The following CCDC172 variants were observed in gnomAD, a reference collection of about 807,000 sequenced individuals.
The protein encoded by CCDC172 is coiled-coil domain-containing protein 172.
CCDC172 carries 30 observed loss-of-function variants against 38.0 expected under a neutral mutation model. The ratio of observed to expected loss-of-function variants is 0.79; its 90% CI spans 0.59 to 1.07. CCDC172 has a LOEUF of 1.07. CCDC172 is among the 50% of genes least tolerant of loss of function. CCDC172 has a pLI of 0.00. For missense variants in CCDC172, 297 were observed against 290.1 expected, an observed-to-expected ratio of 1.02 and a Z score of -0.17; for synonymous variants, 78 against 88.3, an observed-to-expected ratio of 0.88 and a Z score of 0.66.
At chr10:116,325,217 G>A (rs1292140403) in intron 2 of CCDC172, 86 bp from the exon 3 acceptor site, 1 of 1,473,316 alleles carries the variant, frequency 6.8e-7, no homozygotes, top group African/African-American at 1.4e-5. Flanking sequence ...CTGAGGGAAA[G>A]ACAACTGAAA....
chr10:116,374,363 T>G (rs1010407626), intron 7 of CCDC172, among the ~76,000 whole-genome samples: 21 of 152,156 alleles, frequency 1.4e-4, no homozygotes, highest in Non-Finnish European at 2.9e-5. Context: ...CAATAAGATA[T>G]CTTGAGAGAG....
At chr10:116,348,321 G>A (rs1413816975) in intron 5 of CCDC172, among the ~76,000 whole-genome samples, 3 of 151,466 alleles carry the variant, frequency 2.0e-5, no homozygotes, top group East Asian at 1.9e-4. Flanking sequence ...CTTCTAATTC[G>A]TGCCACCACA....
At chr10:116,341,852 C>T (rs1183428355) in intron 4 of CCDC172, among the ~76,000 whole-genome samples, 184 bp from the exon 5 acceptor site, 2 of 151,674 alleles carry the variant, frequency 1.3e-5, no homozygotes, top group Admixed American at 1.3e-4. Flanking sequence ...ATAGTTGTTA[C>T]TATATAATAG....
intron 6 of CCDC172, among the ~76,000 whole-genome samples, 168 bp from the exon 7 acceptor site, chr10:116,357,668 G>A (rs1845015853): frequency 6.6e-6 from 1 of 152,020 alleles, no homozygotes. Flanking sequence ...ATTTTTTGAA[G>A]ATCTTTTTTG....
intron 7 of CCDC172, among the ~76,000 whole-genome samples, chr10:116,369,479 C>G (rs1845161174): frequency 6.6e-6 from 1 of 151,886 alleles, no homozygotes; most frequent in South Asian, 2.1e-4. Context: ...TGTATATAGT[C>G]TTTTGTATCT....
At chr10:116,361,866 A>G (rs367747753) in intron 7 of CCDC172, among the ~76,000 whole-genome samples, 39 of 152,300 alleles carry the variant, frequency 2.6e-4, no homozygotes, top group African/African-American at 6.7e-4. Context: ...ATAAATATGT[A>G]TATTTTCACA....
intron 3 of CCDC172, among the ~76,000 whole-genome samples, chr10:116,335,545 A>G (rs1295621036): frequency 6.6e-6 from 1 of 152,038 alleles, no homozygotes; most frequent in Non-Finnish European, 1.5e-5. Flanking sequence ...TGGGGTTTTC[A>G]TAAGATTGCA....
chr10:116,353,221 A>G (rs1455754016), intron 5 of CCDC172, among the ~76,000 whole-genome samples: 2 of 152,000 alleles, frequency 1.3e-5, no homozygotes, highest in East Asian at 3.9e-4. Flanking sequence ...GTGTACATCC[A>G]CCTCATACCA....
intron 3 of CCDC172, among the ~76,000 whole-genome samples, chr10:116,336,924 C>T (rs1565713034): frequency 1.3e-5 from 2 of 152,182 alleles, no homozygotes; most frequent in South Asian, 4.1e-4. Flanking sequence ...TGAAAAGTCA[C>T]AAATCATGGC....
At chr10:116,355,186 A>G (rs1844980116) in intron 5 of CCDC172, among the ~76,000 whole-genome samples, 1 of 152,344 alleles carries the variant, frequency 6.6e-6, no homozygotes, top group South Asian at 2.1e-4. Flanking sequence ...AGCAACTTCC[A>G]GTACTACAAG....
At chr10:116,365,924 A>G (rs1247320447) in intron 7 of CCDC172, among the ~76,000 whole-genome samples, 1 of 152,138 alleles carries the variant, frequency 6.6e-6, no homozygotes, top group Non-Finnish European at 1.5e-5. Flanking sequence ...CCTATAGCCT[A>G]GGTGTCTGGT....
intron 7 of CCDC172, among the ~76,000 whole-genome samples, chr10:116,376,011 A>G (rs1367704177): frequency 6.6e-6 from 1 of 152,206 alleles, no homozygotes; most frequent in East Asian, 1.9e-4. Flanking sequence ...TGACTCAGCA[A>G]TCCCATTACT....
chr10:116,370,215 CTCTTT>C (rs1348537135), intron 7 of CCDC172, among the ~76,000 whole-genome samples: 1 of 149,992 alleles, frequency 6.7e-6, no homozygotes, highest in Non-Finnish European at 1.5e-5. Context: ...GAATTTAATA[CTCTTT>C]TCTTTTATTG....
At chr10:116,345,590 A>G (rs61864797) in intron 5 of CCDC172, among the ~76,000 whole-genome samples, 38,575 of 152,138 alleles carry the variant, frequency 0.25, 5,169 homozygotes, top group South Asian at 0.41. Flanking sequence ...TATCCAGAAC[A>G]TAATGAACTC....
rs765985314 is a variant in CCDC172, at chr10:116,357,463, C to A, written c.532C>A (p.Leu178Ile). ...KSELIQELFT[L>I]QRKLKVFEDE... ...TGAATTGATACAAGAATTATTTACT[C>A]TCCAAAGAAAACTTAAAGGTATTAC... Residue 178 changes from leucine (L) to isoleucine (I), a missense_variant, in exon 6 of 9, where the codon CTC becomes ATC. Physicochemically the swap from Leu to Ile is conservative, Grantham distance 5. Transcript: ENST00000333254. 1.9e-6 allele frequency: 3 copies of A among 1,570,908 alleles called. No homozygotes were observed. In the East Asian group the frequency reaches 7.0e-5, roughly 37 times the overall value.
At chr10:116,328,457 A>G (rs1281467147) in intron 3 of CCDC172, among the ~76,000 whole-genome samples, 1 of 152,146 alleles carries the variant, frequency 6.6e-6, no homozygotes, top group East Asian at 1.9e-4. Flanking sequence ...TTAAACATCT[A>G]AAAGAGCTTC....
At chr10:116,343,388 C>A (rs947078475) in intron 5 of CCDC172, among the ~76,000 whole-genome samples, 1 of 152,050 alleles carries the variant, frequency 6.6e-6, no homozygotes, top group Non-Finnish European at 1.5e-5. Flanking sequence ...TATAGCAATT[C>A]TGAAATTGAG....
intron 7 of CCDC172, among the ~76,000 whole-genome samples, chr10:116,377,795 G>T (rs760363119): frequency 2.6e-5 from 4 of 152,036 alleles, no homozygotes; most frequent in Non-Finnish European, 2.9e-5. Context: ...TATTCAGTTT[G>T]CTGGTGGCCA....
In CCDC172 at chr10:116,378,499, T is replaced by G. The variant is rs758254346; in HGVS notation, c.730T>G (p.Phe244Val). Residue 244 changes from phenylalanine (F) to valine (V), a missense_variant, in exon 8 of 9, where the codon TTT becomes GTT. By Grantham distance (50) the Phe-to-Val change is conservative. Transcript: ENST00000333254. ...VYEALQTEIEFLELTLAQKDL... is the reference protein window; with the variant it reads ...VYEALQTEIEVLELTLAQKDL... ...TGAAGCTCTCCAAACAGAAATAGAA[T>G]TTTTGGAGTTGGTAAGTTATCATTG... 1 of 1,602,868 alleles carries G rather than the reference T, an allele frequency of 6.2e-7. No homozygotes were observed. Among genetic ancestry groups the G allele is most frequent in the Non-Finnish European group, 8.5e-7 (1 of 1,175,142 alleles).
Sources: allele counts gnomAD v4.1 joint callset (sites outside exome capture counted in the v4.1 genomes callset), GRCh38; gene constraint gnomAD v4.1.1; transcripts MANE v1.5; gene names NCBI Gene and HGNC (gene_info 2026-07-23, HGNC 2026-07-21).